The following CAB39 variants were observed in gnomAD, a reference collection of about 807,000 sequenced individuals.
CAB39 encodes the protein calcium-binding protein 39.
A neutral mutation model predicts 40.0 loss-of-function variants in CAB39; 8 were observed. The ratio of observed to expected loss-of-function variants is 0.20; its 90% CI spans 0.12 to 0.36. The LOEUF is 0.36. Ranked by LOEUF, CAB39 falls within the 10% of genes least tolerant of loss-of-function variation. The pLI is 1.00. For synonymous variants in CAB39, 156 were observed against 141.6 expected, an observed-to-expected ratio of 1.10 and a Z score of -0.72; for missense variants, 270 against 401.1, an observed-to-expected ratio of 0.67 and a Z score of 2.79.
At chr2:230,786,049 A>G (rs548743166) in intron 2 of CAB39, among the ~76,000 whole-genome samples, 12 of 149,302 alleles carry the variant, frequency 8.0e-5, no homozygotes, top group Non-Finnish European at 1.5e-4. Context: ...CTGTAGTCCC[A>G]GCTACTGGGG....
intron 4 of CAB39, among the ~76,000 whole-genome samples, chr2:230,797,184 G>C (rs1048537767): frequency 6.6e-6 from 1 of 152,144 alleles, no homozygotes; most frequent in Non-Finnish European, 1.5e-5. Context: ...AAAAGGAAAT[G>C]AAACTAAGAT....
intron 6 of CAB39, among the ~76,000 whole-genome samples, chr2:230,812,743 C>A (rs1696327030): frequency 6.6e-6 from 1 of 152,174 alleles, no homozygotes; most frequent in African/African-American, 2.4e-5. Flanking sequence ...ATGTATAATT[C>A]TGTGTTAGCT....
At chr2:230,783,625 A>G (rs752305629) in intron 2 of CAB39, among the ~76,000 whole-genome samples, 3 of 129,502 alleles carry the variant, frequency 2.3e-5, no homozygotes, top group Non-Finnish European at 3.1e-5. Flanking sequence ...CAGCCTCCCA[A>G]GTAGCTGGGA....
chr2:230,761,888 T>TTTGTTGTTG (rs55722046), intron 2 of CAB39, among the ~76,000 whole-genome samples: 2,301 of 149,934 alleles, frequency 0.015, 21 homozygotes, highest in African/African-American at 0.026. Context: ...TTGTTTTTTA[T>TTTGTTGTTG]TTGTTGTTGT....
intron 2 of CAB39, among the ~76,000 whole-genome samples, chr2:230,782,447 A>G (rs1017954751): frequency 6.6e-6 from 1 of 152,134 alleles, no homozygotes; most frequent in African/African-American, 2.4e-5. Context: ...GATCATTTTG[A>G]TCTATATAAT....
intron 1 of CAB39, among the ~76,000 whole-genome samples, chr2:230,724,294 G>T (rs1341740956): frequency 6.6e-6 from 1 of 151,654 alleles, no homozygotes; most frequent in East Asian, 1.9e-4. Flanking sequence ...TTCTGTACTT[G>T]TGTGAACAGG....
intron 6 of CAB39, among the ~76,000 whole-genome samples, chr2:230,813,427 C>A (rs1696338710): frequency 1.3e-5 from 2 of 152,150 alleles, no homozygotes; most frequent in Non-Finnish European, 1.5e-5. Flanking sequence ...TGCCCAGATT[C>A]TCTTTTCTCC....
intron 2 of CAB39, among the ~76,000 whole-genome samples, chr2:230,765,300 T>C (rs561560450): frequency 6.6e-6 from 1 of 152,248 alleles, no homozygotes; most frequent in African/African-American, 2.4e-5. Context: ...CTGCAATAAC[T>C]GCTATTAAAG....
chr2:230,755,571 A>C (rs1282103711), intron 1 of CAB39, among the ~76,000 whole-genome samples: 1 of 151,732 alleles, frequency 6.6e-6, no homozygotes, highest in Non-Finnish European at 1.5e-5. Context: ...GATTGTGAAG[A>C]TTTTCTCCCA....
chr2:230,730,533 C>T (rs930008432), intron 1 of CAB39, among the ~76,000 whole-genome samples: 6 of 151,522 alleles, frequency 4.0e-5, no homozygotes, highest in Admixed American at 2.6e-4. Context: ...CAACCTCCGC[C>T]TCCTGGGTTC....
chr2:230,808,777 G>A (rs1575962291), intron 5 of CAB39, among the ~76,000 whole-genome samples: 1 of 152,152 alleles, frequency 6.6e-6, no homozygotes, highest in Non-Finnish European at 1.5e-5. Flanking sequence ...TAAATCTTTG[G>A]GGTGGGGTTA....
At chr2:230,778,647 A>C (rs1292534984) in intron 2 of CAB39, among the ~76,000 whole-genome samples, 2 of 152,072 alleles carry the variant, frequency 1.3e-5, no homozygotes, top group Non-Finnish European at 2.9e-5. Context: ...GGCAGTGAAA[A>C]ATCTCATAGC....
intron 6 of CAB39, 50 bp from the exon 7 acceptor site, chr2:230,813,978 CTTTTTTTTTTTTTTTTTTTTT>C (rs1160253213): frequency 1.9e-4 from 21 of 111,330 alleles, no homozygotes; most frequent in Admixed American, 1.5e-3. Flanking sequence ...ACCTACCAGT[CTTTTTTTTTTTTTTTTTTTTT>C]TTTTTTTTTT....
chr2:230,813,357 A>G (rs940918496), intron 6 of CAB39, among the ~76,000 whole-genome samples: 5 of 151,844 alleles, frequency 3.3e-5, no homozygotes, highest in African/African-American at 4.8e-5. Context: ...TCAGTTCTTA[A>G]ATTTGTGGCA....
chr2:230,786,034 G>A, intron 2 of CAB39, among the ~76,000 whole-genome samples: 1 of 151,412 alleles, frequency 6.6e-6, no homozygotes, highest in Non-Finnish European at 1.5e-5. Flanking sequence ...TGTTGTGGCG[G>A]GTGCCTGTAG....
chr2:230,792,095 TAATAA>T (rs1049459854), intron 3 of CAB39, among the ~76,000 whole-genome samples: 1 of 152,248 alleles, frequency 6.6e-6, no homozygotes, highest in African/African-American at 2.4e-5. Context: ...ATAATACTGT[TAATAA>T]AATAAAGTAA....
chr2:230,782,809 C>CTTTTTTTTTTTT lies in CAB39; in HGVS notation c.115-8060_115-8059insTTTTTTTTTTTT, dbSNP rs1408052300. On this transcript the variant is annotated intron_variant, in intron 2 of 8. Coordinates refer to ENST00000258418, the MANE Select transcript of CAB39 (RefSeq NM_016289.4). Reference sequence around the variant, plus strand: ...CTGCTGTTTCTTTCTTTCTTTCTTTCTTTCTTTTTTTTTTTTTTTTTTTGA... The same window carrying CTTTTTTTTTTTT: ...CTGCTGTTTCTTTCTTTCTTTCTTTCTTTTTTTTTTTTTTTCTTTTTTTTTTTTTTTTTTTGA... 3.1e-3 allele frequency among the ~76,000 whole-genome samples: 345 copies of CTTTTTTTTTTTT among 112,270 alleles called. 6 individuals are homozygous for CTTTTTTTTTTTT. Among genetic ancestry groups the CTTTTTTTTTTTT allele is most frequent in the Non-Finnish European group, 4.0e-3 (231 of 58,086 alleles). The allele number at this position is 112,270 out of a possible 152,430, so 73.7% of individuals were successfully genotyped here.
intron 1 of CAB39, among the ~76,000 whole-genome samples, chr2:230,714,309 G>A (rs1170512884): frequency 3.3e-5 from 5 of 152,138 alleles, no homozygotes; most frequent in Non-Finnish European, 7.4e-5. Flanking sequence ...GGAGAGAGGA[G>A]GAGGCCCAGT....
intron 1 of CAB39, among the ~76,000 whole-genome samples, chr2:230,740,490 G>A (rs1694857313): frequency 6.6e-6 from 1 of 152,172 alleles, no homozygotes; most frequent in African/African-American, 2.4e-5. Context: ...CAGTAATACA[G>A]CAGACCCCAA....
Sources: allele counts gnomAD v4.1 joint callset (sites outside exome capture counted in the v4.1 genomes callset), GRCh38; gene constraint gnomAD v4.1.1; transcripts MANE v1.5; gene names NCBI Gene and HGNC (gene_info 2026-07-23, HGNC 2026-07-21).